Variants in FER observed in about 807,000 individuals in gnomAD.
FER encodes tyrosine-protein kinase Fer.
A neutral mutation model predicts 111.0 loss-of-function variants in FER; 63 were observed. The observed-to-expected ratio is 0.57, with a 90% confidence interval of 0.46 to 0.70. The LOEUF (loss-of-function observed/expected upper bound fraction) is 0.70, where lower values mean the gene tolerates loss of function less well. FER is among the 30% of genes least tolerant of loss of function. The pLI is 0.00. For synonymous variants in FER, 327 were observed against 313.9 expected, an observed-to-expected ratio of 1.04 and a Z score of -0.44; for missense variants, 914 against 954.0, an observed-to-expected ratio of 0.96 and a Z score of 0.55.
At chr5:108,941,700 A>G (rs866349647) in intron 10 of FER, among the ~76,000 whole-genome samples, 52 of 152,168 alleles carry the variant, frequency 3.4e-4, no homozygotes, top group African/African-American at 1.2e-3. Flanking sequence ...AGCAAAGTCA[A>G]TCAGCTCTTA....
intron 16 of FER, among the ~76,000 whole-genome samples, chr5:109,088,511 C>T (rs954071723): frequency 6.6e-6 from 1 of 151,866 alleles, no homozygotes; most frequent in Non-Finnish European, 1.5e-5. Context: ...AACAGTATTC[C>T]AGAAATGTGG....
At chr5:109,018,673 A>C (rs918477376) in intron 13 of FER, among the ~76,000 whole-genome samples, 1 of 151,792 alleles carries the variant, frequency 6.6e-6, no homozygotes, top group Non-Finnish European at 1.5e-5. Context: ...AATCGTATAT[A>C]TGTAAACATT....
intron 13 of FER, among the ~76,000 whole-genome samples, chr5:109,015,144 A>G (rs1431215245): frequency 6.6e-6 from 1 of 152,102 alleles, no homozygotes; most frequent in East Asian, 1.9e-4. Context: ...GTATGATTTG[A>G]TAAGCCCCTT....
At chr5:108,828,405 A>G (rs771629707) in intron 3 of FER, among the ~76,000 whole-genome samples, 4 of 152,206 alleles carry the variant, frequency 2.6e-5, no homozygotes, top group Non-Finnish European at 5.9e-5. Flanking sequence ...TTCTATTTGA[A>G]AAGGTACTAA....
intron 9 of FER, chr5:108,891,373 A>G (rs1748021571): frequency 6.6e-6 from 1 of 151,896 alleles, no homozygotes; most frequent in Admixed American, 6.6e-5. Context: ...TTGTCTTTTT[A>G]TCTTCTCAAG....
intron 16 of FER, among the ~76,000 whole-genome samples, chr5:109,081,047 T>A (rs1042392959): frequency 6.6e-6 from 1 of 152,056 alleles, no homozygotes; most frequent in Non-Finnish European, 1.5e-5. Flanking sequence ...CAGTCCCACT[T>A]CCTTATTGGG....
chr5:108,815,218 C>A (rs1758157972), intron 3 of FER, among the ~76,000 whole-genome samples: 1 of 152,072 alleles, frequency 6.6e-6, no homozygotes, highest in Non-Finnish European at 1.5e-5. Context: ...TGGGTGTCTT[C>A]ACGCTGAATT....
intron 14 of FER, 71 bp from the exon 15 acceptor site, chr5:109,044,609 C>G (rs1412839906): frequency 1.1e-5 from 8 of 735,076 alleles, no homozygotes; most frequent in Non-Finnish European, 1.6e-5. Context: ...TCTTTGGTAC[C>G]TTTCCTTGTA....
chr5:108,774,173 T>A (rs561768294), intron 2 of FER, among the ~76,000 whole-genome samples: 1 of 152,258 alleles, frequency 6.6e-6, no homozygotes, highest in African/African-American at 2.4e-5. Flanking sequence ...TGTTCCTGTG[T>A]TAGTTTGCTG....
rs1183316377 is a variant in FER, at chr5:108,838,783, TAAAATAATACACCTTAAACATTCTA to T, written c.481+2999_481+3023del. Among the ~76,000 whole-genome samples the T allele has an allele frequency of 5.3e-5, 8 of 152,182 alleles. No homozygotes were observed. In the East Asian group the frequency reaches 9.6e-4, roughly 18 times the overall value. ...TTAAAATAATACACCTTAAACATTC[TAAAATAATACACCTTAAACATTCTA>T]AAAATAATACACCTTAAACATTAAA... is the stretch of plus-strand genomic sequence containing the variant. On this transcript the variant is annotated intron_variant, in intron 5 of 19. Coordinates refer to ENST00000281092, the MANE Select transcript of FER (RefSeq NM_005246.4).
chr5:108,960,747 A>G (rs774777123), intron 13 of FER, among the ~76,000 whole-genome samples: 7 of 152,302 alleles, frequency 4.6e-5, no homozygotes, highest in Non-Finnish European at 1.0e-4. Context: ...TCAAATTTCC[A>G]CCTCAAACTG....
intron 13 of FER, among the ~76,000 whole-genome samples, chr5:108,992,301 C>T (rs1025216027): frequency 1.3e-5 from 2 of 152,192 alleles, no homozygotes; most frequent in African/African-American, 2.4e-5. Context: ...GGCAATCATC[C>T]GATTTCTCAA....
Position 108,798,352 on chromosome 5 carries a change from G to C in FER, c.170G>C (p.Ser57Thr), listed in dbSNP as rs751275308. ...CTTTGTAATCAAGTTGATAAGGAAAGTACTGTCCAAATGAATTATGTCAGC... is the reference window on the plus strand; with the variant it reads ...CTTTGTAATCAAGTTGATAAGGAAACTACTGTCCAAATGAATTATGTCAGC... ...QNLCNQVDKESTVQMNYVSNV... is the reference protein window; with the variant it reads ...QNLCNQVDKETTVQMNYVSNV... The change falls in exon 3 of 20, where the codon AGT (serine) becomes ACT (threonine). Residue 57 changes from serine to threonine, a missense_variant. Ser to Thr is a moderately conservative substitution (Grantham distance 58). Transcript: ENST00000281092. 3.1e-6 allele frequency: 5 copies of C among 1,613,664 alleles called. No individual in the cohort carries two copies. The African/African-American group carries it at 6.7e-5, about 22-fold the overall frequency.
chr5:109,125,920 G>C (rs887153857), intron 17 of FER, among the ~76,000 whole-genome samples: 4 of 152,108 alleles, frequency 2.6e-5, no homozygotes, highest in African/African-American at 9.7e-5. Flanking sequence ...TCCTTTGTCA[G>C]AAAGAATGAA....
At position 109,008,862 on chromosome 5, in the gene FER, C is replaced by T. The variant is rs569736738; in HGVS notation, c.1657-28560C>T. On this transcript the variant is annotated intron_variant, in intron 13 of 19. Coordinates refer to ENST00000281092, the MANE Select transcript of FER (RefSeq NM_005246.4). ...GCGCATGCCTGTAATCCCAGCTGCT[C>T]GGGAGGGTGAGGCAGGAGAATTGCT... Among the ~76,000 whole-genome samples, 19 of 151,896 alleles carry T rather than the reference C, an allele frequency of 1.3e-4. 1 individual carries two copies. In the South Asian group the frequency reaches 3.5e-3, roughly 28 times the overall value.
intron 15 of FER, among the ~76,000 whole-genome samples, chr5:109,046,547 G>A (rs1772003279): frequency 6.6e-6 from 1 of 152,026 alleles, no homozygotes; most frequent in Non-Finnish European, 1.5e-5. Flanking sequence ...TTAAATTAAG[G>A]AGAATTGACT....
rs1765616207 is a variant in FER at position 109,007,250 on chromosome 5, A to G, written c.1657-30172A>G. Reference sequence around the variant, plus strand: ...GTTGTCTTTTAACCCAAAGTAGGAGACATCAGTCTTTACAGTGTCCTTTCA... The same window carrying G: ...GTTGTCTTTTAACCCAAAGTAGGAGGCATCAGTCTTTACAGTGTCCTTTCA... On this transcript the variant is annotated intron_variant, in intron 13 of 19. Transcript: ENST00000281092. Among the ~76,000 whole-genome samples the G allele has an allele frequency of 2.0e-5, 3 of 152,204 alleles. 1 individual carries two copies. The South Asian group carries it at 6.2e-4, about 32-fold the overall frequency.
chr5:109,186,358 CAGCCCCAGGGGT>C, intron 19 of FER, 36 bp downstream of exon 19: 1 of 1,613,870 alleles, frequency 6.2e-7, no homozygotes, highest in Non-Finnish European at 8.5e-7. Context: ...TGTTCATGTC[CAGCCCCAGGGGT>C]AGGCAGTGCT....
At chr5:108,983,972 T>C (rs762127206) in intron 13 of FER, among the ~76,000 whole-genome samples, 4 of 152,162 alleles carry the variant, frequency 2.6e-5, no homozygotes, top group Non-Finnish European at 5.9e-5. Context: ...AGTCAGCAAA[T>C]ATTTATTGAG....
Sources: allele counts gnomAD v4.1 joint callset (sites outside exome capture counted in the v4.1 genomes callset), GRCh38; gene constraint gnomAD v4.1.1; transcripts MANE v1.5; gene names NCBI Gene and HGNC (gene_info 2026-07-23, HGNC 2026-07-21).